GMDS: variants seen among roughly 807,000 people sequenced by gnomAD.
GMDS encodes the protein GDP-mannose 4,6 dehydratase.
A neutral mutation model predicts 49.9 loss-of-function variants in GMDS; 20 were observed. The ratio of observed to expected loss-of-function variants is 0.40; its 90% CI spans 0.28 to 0.58. The LOEUF is 0.58. Ranked by LOEUF, GMDS falls within the 20% of genes least tolerant of loss-of-function variation. GMDS has a pLI of 0.42. For missense variants in GMDS, 362 were observed against 481.4 expected, an observed-to-expected ratio of 0.75 and a Z score of 2.32; for synonymous variants, 177 against 178.6, an observed-to-expected ratio of 0.99 and a Z score of 0.07.
chr6:1,880,680 T>C (rs1347231539), intron 7 of GMDS, among the ~76,000 whole-genome samples: 1 of 152,190 alleles, frequency 6.6e-6, no homozygotes, highest in Non-Finnish European at 1.5e-5. Flanking sequence ...CCTTTCACTG[T>C]GAAAGCAGAC....
intron 4 of GMDS, among the ~76,000 whole-genome samples, chr6:2,026,280 A>C (rs1488260462): frequency 1.3e-5 from 2 of 152,122 alleles, no homozygotes; most frequent in Non-Finnish European, 2.9e-5. Flanking sequence ...AAAAAGCTCC[A>C]TCTAGTCTTA....
chr6:1,935,705 T>C (rs1762493906), intron 6 of GMDS, among the ~76,000 whole-genome samples: 1 of 152,188 alleles, frequency 6.6e-6, no homozygotes, highest in South Asian at 2.1e-4. Flanking sequence ...AGTAAAAGTA[T>C]ATCCATAAGA....
At chr6:2,170,475 A>C (rs1040292269) in intron 1 of GMDS, among the ~76,000 whole-genome samples, 1 of 151,988 alleles carries the variant, frequency 6.6e-6, no homozygotes, top group Non-Finnish European at 1.5e-5. Flanking sequence ...AAAAAAATAA[A>C]AATTAGATGG....
At chr6:1,715,726 G>A (rs760897586) in intron 9 of GMDS, among the ~76,000 whole-genome samples, 1 of 152,162 alleles carries the variant, frequency 6.6e-6, no homozygotes, top group Non-Finnish European at 1.5e-5. Context: ...TTGAGAGCTG[G>A]GAATAAAAGG....
chr6:2,241,791 C>T (rs1449094004), intron 1 of GMDS, among the ~76,000 whole-genome samples: 1 of 152,188 alleles, frequency 6.6e-6, no homozygotes, highest in African/African-American at 2.4e-5. Context: ...AACCATGAAC[C>T]AAATAAACCT....
intron 7 of GMDS, among the ~76,000 whole-genome samples, chr6:1,809,192 G>A (rs1770309001): frequency 6.6e-6 from 1 of 152,076 alleles, no homozygotes; most frequent in South Asian, 2.1e-4. Flanking sequence ...CAAAGTTGAT[G>A]ACTTCTTAAA....
intron 7 of GMDS, among the ~76,000 whole-genome samples, chr6:1,761,975 T>C (rs1768176589): frequency 6.6e-6 from 1 of 152,006 alleles, no homozygotes; most frequent in Non-Finnish European, 1.5e-5. Context: ...ATACAAAAAC[T>C]CTAAGAGGAA....
chr6:2,121,030 A>G (rs1775109609), intron 2 of GMDS, among the ~76,000 whole-genome samples: 1 of 152,122 alleles, frequency 6.6e-6, no homozygotes, highest in South Asian at 2.1e-4. Flanking sequence ...ACCTTGGGAG[A>G]TAGGTGTGCT....
intron 9 of GMDS, among the ~76,000 whole-genome samples, chr6:1,689,015 G>A (rs1464263585): frequency 6.6e-6 from 1 of 152,192 alleles, no homozygotes; most frequent in East Asian, 1.9e-4. Context: ...TTCTTGCTAT[G>A]AGGGTTGCAT....
intron 7 of GMDS, among the ~76,000 whole-genome samples, chr6:1,818,716 A>G (rs1279471508): frequency 6.6e-6 from 1 of 152,008 alleles, no homozygotes; most frequent in Admixed American, 6.6e-5. Flanking sequence ...ATATATACAC[A>G]TGCATATATA....
At chr6:2,098,881 TTATTA>T (rs1773762846) in intron 4 of GMDS, among the ~76,000 whole-genome samples, 1 of 152,144 alleles carries the variant, frequency 6.6e-6, no homozygotes, top group Non-Finnish European at 1.5e-5. Context: ...AAAAGTTTTA[TTATTA>T]TATAAGTATT....
At chr6:2,206,199 G>C (rs1478261200) in intron 1 of GMDS, among the ~76,000 whole-genome samples, 1 of 151,952 alleles carries the variant, frequency 6.6e-6, no homozygotes, top group East Asian at 1.9e-4. Flanking sequence ...CAGAGGTTGT[G>C]GTGAGCCAAG....
chr6:1,733,611 G>GC (rs1766902572), intron 8 of GMDS, among the ~76,000 whole-genome samples: 1 of 152,250 alleles, frequency 6.6e-6, no homozygotes, highest in Non-Finnish European at 1.5e-5. Context: ...GAGGCCACGA[G>GC]CTTGAGACTA....
chr6:1,950,304 TCTAA>T (rs553510140), intron 6 of GMDS, among the ~76,000 whole-genome samples: 14 of 152,358 alleles, frequency 9.2e-5, no homozygotes, highest in Non-Finnish European at 1.3e-4. Flanking sequence ...TTGAATCAGT[TCTAA>T]CTGTTGTTTT....
chr6:1,915,817 T>C (rs1408593149), intron 7 of GMDS, among the ~76,000 whole-genome samples: 2 of 152,236 alleles, frequency 1.3e-5, no homozygotes, highest in Non-Finnish European at 2.9e-5. Flanking sequence ...TGTAAAAGTG[T>C]CCAGTAGTTC....
intron 9 of GMDS, among the ~76,000 whole-genome samples, chr6:1,696,357 T>A (rs908407436): frequency 1.3e-5 from 2 of 152,224 alleles, no homozygotes; most frequent in African/African-American, 4.8e-5. Context: ...GGGACACACA[T>A]GTTGCTAATC....
At chr6:2,214,997 C>G (rs945155275) in intron 1 of GMDS, among the ~76,000 whole-genome samples, 3 of 152,106 alleles carry the variant, frequency 2.0e-5, no homozygotes, top group Admixed American at 2.0e-4. Flanking sequence ...TACGTTAAGA[C>G]CAACTGTGAA....
At chr6:1,960,572 C>T (rs1410414111) in intron 5 of GMDS, among the ~76,000 whole-genome samples, 1 of 152,140 alleles carries the variant, frequency 6.6e-6, no homozygotes, top group Non-Finnish European at 1.5e-5. Context: ...ACCCCGAAGG[C>T]AATGGCAGCA....
chr6:2,154,057 G>A (rs1027296466), intron 1 of GMDS, among the ~76,000 whole-genome samples: 4 of 152,046 alleles, frequency 2.6e-5, no homozygotes, highest in East Asian at 1.9e-4. Flanking sequence ...AAGTAAGAAA[G>A]GATGCATGAA....
Sources: gnomAD v4.1 joint callset for allele counts (sites outside exome capture counted in the v4.1 genomes callset) on GRCh38, gnomAD v4.1.1 for gene constraint, MANE v1.5 for transcripts, NCBI Gene and HGNC (gene_info 2026-07-23, HGNC 2026-07-21) for gene names.